Variants in EEF2K observed in about 807,000 individuals in gnomAD.
The protein encoded by EEF2K is eukaryotic elongation factor 2 kinase, also known as alternative protein EEF2K.
In EEF2K, 70 loss-of-function variants were observed where a neutral mutation model predicts 93.8. That is an observed-to-expected ratio of 0.75 (90% CI 0.62 to 0.91). EEF2K has a LOEUF of 0.91. Among genes scored for constraint, EEF2K ranks in the 40% least tolerant of loss-of-function variants. EEF2K has a pLI of 0.00. For missense variants in EEF2K, 935 were observed against 972.9 expected, an observed-to-expected ratio of 0.96 and a Z score of 0.52; for synonymous variants, 376 against 380.8, an observed-to-expected ratio of 0.99 and a Z score of 0.15.
At chr16:22,268,359 C>T (rs931697672) in intron 15 of EEF2K, among the ~76,000 whole-genome samples, 1 of 151,736 alleles carries the variant, frequency 6.6e-6, no homozygotes, top group Non-Finnish European at 1.5e-5. Flanking sequence ...TTAGTAGAGA[C>T]AGAGCTTCAC....
In EEF2K at chr16:22,285,739, CAT is replaced by C. The variant is rs2047747783; in HGVS notation, c.*1745_*1746del. 1.3e-5 allele frequency: 2 copies of C among 152,662 alleles called. No homozygotes were observed. The highest frequency in any genetic ancestry group is 1.9e-4 in the East Asian group (1 of 5,192). The allele number at this position is 152,662 out of a possible 1,614,324, so 9.5% of individuals were successfully genotyped here. On this transcript the variant is annotated 3_prime_UTR_variant, in exon 18 of 18. Coordinates refer to ENST00000263026, the MANE Select transcript of EEF2K (RefSeq NM_013302.5). ...ATTTTTCTTTGTTTAAAAGTCAAAA[CAT>C]AAAAAAGCAGAGTATAACATACAAA... is the stretch of plus-strand genomic sequence containing the variant.
chr16:22,216,253 C>CTA (rs1166609229), intron 1 of EEF2K, among the ~76,000 whole-genome samples: 1 of 152,192 alleles, frequency 6.6e-6, no homozygotes, highest in Admixed American at 6.6e-5. Flanking sequence ...CCTCAACAGC[C>CTA]TAGCGCTGTG....
intron 9 of EEF2K, among the ~76,000 whole-genome samples, chr16:22,258,250 TG>T (rs917361635): frequency 6.6e-6 from 1 of 152,150 alleles, no homozygotes; most frequent in Non-Finnish European, 1.5e-5. Context: ...CTGTGGAATG[TG>T]GTCAGTGCTT....
chr16:22,270,248 A>G (rs2047565174), intron 15 of EEF2K, among the ~76,000 whole-genome samples: 1 of 151,670 alleles, frequency 6.6e-6, no homozygotes, highest in Non-Finnish European at 1.5e-5. Context: ...CTCCCCGAGT[A>G]GCTGGTTTTA....
chr16:22,266,754 C>T lies in EEF2K; in HGVS notation c.1642C>T (p.Gln548Ter). Residue 548 changes from glutamine (Q) to a stop codon, truncating the protein, a stop_gained, in exon 15 of 18, where the codon CAG becomes TAG. Coordinates refer to ENST00000263026, the MANE Select transcript of EEF2K (RefSeq NM_013302.5). LOFTEE classifies it high-confidence loss of function. ...RFCEKGEEWD[Q>*]ESAVFHLEHA... is the part of the protein sequence containing the mutation. ...CTGCGAGAAGGGCGAGGAGTGGGAC[C>T]AGGAGTCGGCTGTCTTCCACCTGGA... 6.2e-7 allele frequency: 1 copy of T among 1,614,196 alleles called. No individual in the cohort carries two copies. The highest frequency in any genetic ancestry group is 1.6e-4 in the Middle Eastern group (1 of 6,062).
intron 16 of EEF2K, among the ~76,000 whole-genome samples, chr16:22,278,507 G>A (rs2047662291): frequency 6.6e-6 from 1 of 152,136 alleles, no homozygotes; most frequent in Non-Finnish European, 1.5e-5. Flanking sequence ...AGGCATCGTT[G>A]GGGAATGGAT....
chr16:22,262,689 C>T (rs1012640409), intron 11 of EEF2K, among the ~76,000 whole-genome samples: 3 of 152,132 alleles, frequency 2.0e-5, no homozygotes, highest in African/African-American at 7.2e-5. Context: ...CAGAATGTAA[C>T]AGTGCATTTC....
At chr16:22,209,332 G>A (rs1306022656) in intron 1 of EEF2K, among the ~76,000 whole-genome samples, 1 of 152,140 alleles carries the variant, frequency 6.6e-6, no homozygotes, top group Non-Finnish European at 1.5e-5. Context: ...ACCCGGGAAG[G>A]ATGTCTTTAG....
At chr16:22,244,322 A>T (rs954297102) in intron 2 of EEF2K, among the ~76,000 whole-genome samples, 5 of 147,534 alleles carry the variant, frequency 3.4e-5, no homozygotes, top group African/African-American at 5.1e-5. Flanking sequence ...TATCCTATAT[A>T]ATATATATAT....
chr16:22,250,736 C>T, intron 5 of EEF2K, 45 bp downstream of exon 5: 1 of 1,613,142 alleles, frequency 6.2e-7, no homozygotes, highest in Non-Finnish European at 8.5e-7. Flanking sequence ...CAGAGTCCCC[C>T]CAGGCTCCTA....
chr16:22,273,801 G>T, intron 16 of EEF2K, 51 bp downstream of exon 16: 1 of 1,601,398 alleles, frequency 6.2e-7, no homozygotes, highest in South Asian at 1.1e-5. Flanking sequence ...GGCTGCAGGT[G>T]GGCGCTTGTC....
At chr16:22,254,716 A>G (rs1453750951) in intron 6 of EEF2K, among the ~76,000 whole-genome samples, 4 of 152,214 alleles carry the variant, frequency 2.6e-5, no homozygotes, top group Non-Finnish European at 5.9e-5. Context: ...TTCCCATTGC[A>G]GGGAGAAAAC....
chr16:22,259,904 C>T (rs1417469073), intron 10 of EEF2K, among the ~76,000 whole-genome samples: 2 of 152,100 alleles, frequency 1.3e-5, no homozygotes, highest in Non-Finnish European at 2.9e-5. Flanking sequence ...AGGTGCATGC[C>T]ACCATACCCA....
intron 1 of EEF2K, among the ~76,000 whole-genome samples, chr16:22,214,571 G>A (rs1031100891): frequency 3.3e-5 from 5 of 151,262 alleles, no homozygotes; most frequent in African/African-American, 7.3e-5. Context: ...AGGCTGAGGT[G>A]GGAGGATCAC....
rs567790828 is a variant in EEF2K, at chr16:22,257,002, C to T, written c.768+105C>T. The T allele has an allele frequency of 2.3e-5, 35 of 1,530,132 alleles. 1 individual carries two copies. The South Asian group carries it at 3.9e-4, about 17-fold the overall frequency. The allele number at this position is 1,530,132 out of a possible 1,614,324, so 94.8% of individuals were successfully genotyped here. On this transcript the variant is annotated intron_variant, in intron 7 of 17. Transcript: ENST00000263026. ...GAAGGTCCCTGTGGGCTTGGAGTCTCACCCCCAGAGAAGCCTCTTGGAGCA... is the reference window on the plus strand; with the variant it reads ...GAAGGTCCCTGTGGGCTTGGAGTCTTACCCCCAGAGAAGCCTCTTGGAGCA...
At chr16:22,256,928 C>T in intron 7 of EEF2K, 31 bp downstream of exon 7, 1 of 1,611,210 alleles carries the variant, frequency 6.2e-7, no homozygotes, top group Admixed American at 1.7e-5. Context: ...ACCCTCTGCC[C>T]ACCACAGCCC....
chr16:22,253,123 C>T (rs573678506), intron 6 of EEF2K, among the ~76,000 whole-genome samples: 1 of 152,256 alleles, frequency 6.6e-6, no homozygotes, highest in Non-Finnish European at 1.5e-5. Flanking sequence ...GTCTCAAATG[C>T]AGGCTTTTCA....
intron 3 of EEF2K, among the ~76,000 whole-genome samples, 160 bp downstream of exon 3, chr16:22,244,890 T>G (rs942009517): frequency 3.3e-5 from 5 of 152,150 alleles, no homozygotes; most frequent in Non-Finnish European, 7.3e-5. Flanking sequence ...GCCCGGTGCA[T>G]TACCTCACTG....
intron 12 of EEF2K, among the ~76,000 whole-genome samples, chr16:22,263,548 G>A (rs560414623): frequency 3.9e-5 from 6 of 152,362 alleles, no homozygotes; most frequent in Non-Finnish European, 7.3e-5. Flanking sequence ...GACAGAGGTT[G>A]CAGTGAGCCA....
Sources: gnomAD v4.1 joint callset for allele counts (sites outside exome capture counted in the v4.1 genomes callset) on GRCh38, gnomAD v4.1.1 for gene constraint, MANE v1.5 for transcripts, NCBI Gene and HGNC (gene_info 2026-07-23, HGNC 2026-07-21) for gene names.